Variants in FBXO34 observed in about 807,000 individuals in gnomAD.
The protein encoded by FBXO34 is F-box only protein 34.
A neutral mutation model predicts 24.5 loss-of-function variants in FBXO34; 12 were observed. That is an observed-to-expected ratio of 0.49 (90% confidence interval 0.31 to 0.79). The LOEUF is 0.79. Among genes scored for constraint, FBXO34 ranks in the 30% least tolerant of loss-of-function variants. The probability of loss-of-function intolerance (pLI) is 0.04; values close to 1 mark genes in which losing one functional copy is unlikely to be tolerated. For missense variants in FBXO34, 823 were observed against 857.7 expected (o/e 0.96, Z 0.51); for synonymous variants, 320 against 311.9 (o/e 1.03, Z -0.27).
At chr14:55,415,840 T>C in the FBXO34 span, among the ~76,000 whole-genome samples, 1 of 152,180 alleles carries the variant, frequency 6.6e-6, no homozygotes, top group African/African-American at 2.4e-5. Flanking sequence ...CACTCCAGCC[T>C]GGGCGACACA....
the FBXO34 span, among the ~76,000 whole-genome samples, chr14:55,439,930 CAAAAAAAA>C: frequency 5.1e-5 from 2 of 39,180 alleles, no homozygotes; most frequent in Non-Finnish European, 8.9e-5. Context: ...GACTCTGTCT[CAAAAAAAA>C]AAAAAAAAAA....
chr14:55,272,087 C>T (rs1035572959), intron 1 of FBXO34: 8 of 152,278 alleles, frequency 5.3e-5, no homozygotes, highest in Non-Finnish European at 1.0e-4. Context: ...GCGGTTCGTC[C>T]TCAGTCCACG....
At chr14:55,329,253 G>A (rs942697608) in intron 1 of FBXO34, among the ~76,000 whole-genome samples, 4 of 151,760 alleles carry the variant, frequency 2.6e-5, no homozygotes, top group Admixed American at 6.6e-5. Context: ...TGAATGTGTC[G>A]TAGACTCCTC....
the FBXO34 span, among the ~76,000 whole-genome samples, chr14:55,404,789 C>A: frequency 6.6e-6 from 1 of 152,138 alleles, no homozygotes; most frequent in Non-Finnish European, 1.5e-5. Flanking sequence ...CTGTTATACA[C>A]ACACATGCAG....
At chr14:55,368,949 C>A (rs1275643431), downstream of FBXO34, 1 of 152,550 alleles carries the variant, frequency 6.6e-6, no homozygotes, top group Non-Finnish European at 1.5e-5. Context: ...AGGATTTCTT[C>A]CATTTATGGA....
At chr14:55,415,925 A>G in the FBXO34 span, among the ~76,000 whole-genome samples, 1 of 152,216 alleles carries the variant, frequency 6.6e-6, no homozygotes, top group South Asian at 2.1e-4. Flanking sequence ...ACAGAAATGA[A>G]GTACACATGC....
intron 1 of FBXO34, among the ~76,000 whole-genome samples, chr14:55,338,958 C>A (rs1883894426): frequency 6.6e-6 from 1 of 150,384 alleles, no homozygotes; most frequent in Non-Finnish European, 1.5e-5. Context: ...CCCAAAAAAA[C>A]CAGTTCTCTA....
rs548334130 is a variant in FBXO34, at chr14:55,303,426, G to A, written c.-11+31889G>A. ...TTAGGGCAGAATCCAGGCTTTATAGGACTTAAGATGCTATTTTGCTTTAAA... is the reference window on the plus strand; with the variant it reads ...TTAGGGCAGAATCCAGGCTTTATAGAACTTAAGATGCTATTTTGCTTTAAA... On this transcript the variant is annotated intron_variant, in intron 1 of 1. Transcript: ENST00000313833. 1.3e-5 allele frequency among the ~76,000 whole-genome samples: 2 copies of A among 152,192 alleles called. 1 individual carries two copies. Among genetic ancestry groups the A allele is most frequent in the African/African-American group, 4.8e-5 (2 of 41,514 alleles).
At chr14:55,274,415 G>A (rs1208723232) in intron 1 of FBXO34, among the ~76,000 whole-genome samples, 2 of 152,158 alleles carry the variant, frequency 1.3e-5, no homozygotes, top group African/African-American at 4.8e-5. Flanking sequence ...TTTTTGGCAG[G>A]ATCTTTTTCA....
intron 1 of FBXO34, among the ~76,000 whole-genome samples, chr14:55,301,163 A>G (rs1338620614): frequency 6.6e-6 from 1 of 152,198 alleles, no homozygotes; most frequent in East Asian, 1.9e-4. Flanking sequence ...TTGGCTGGGC[A>G]CGGTGGCTCA....
chr14:55,433,294 AC>A, the FBXO34 span, among the ~76,000 whole-genome samples: 1 of 141,910 alleles, frequency 7.0e-6, no homozygotes, highest in Non-Finnish European at 1.5e-5. Flanking sequence ...ACATCCAGCT[AC>A]TTTTTAGATT....
chr14:55,337,983 C>A (rs1420902018), intron 1 of FBXO34, among the ~76,000 whole-genome samples: 1 of 151,302 alleles, frequency 6.6e-6, no homozygotes, highest in African/African-American at 2.4e-5. Flanking sequence ...GCGAACTTAG[C>A]AAGTTTCTTA....
chr14:55,299,397 C>T (rs973697500), intron 1 of FBXO34, among the ~76,000 whole-genome samples: 3 of 8,032 alleles, frequency 3.7e-4, no homozygotes, highest in Non-Finnish European at 5.3e-4. Context: ...TGGGTGGGGG[C>T]GGGTAGAGGG....
At chr14:55,416,409 T>C in the FBXO34 span, among the ~76,000 whole-genome samples, 1 of 151,490 alleles carries the variant, frequency 6.6e-6, no homozygotes, top group Admixed American at 6.6e-5. Context: ...CCGGGTAACA[T>C]AGGGACACCC....
chr14:55,413,638 G>A, the FBXO34 span: 1 of 413,162 alleles, frequency 2.4e-6, no homozygotes, highest in South Asian at 2.2e-5. Flanking sequence ...GGTGGAGCAG[G>A]CTGGCGCTTC....
Position 55,353,501 on chromosome 14 carries a change from A to G in FBXO34, c.*975A>G, listed in dbSNP as rs941411577. 10 of 167,128 alleles carry G rather than the reference A, an allele frequency of 6.0e-5. No individual in the cohort carries two copies. Among genetic ancestry groups the G allele is most frequent in the African/African-American group, 2.2e-4 (9 of 41,470 alleles). The allele number at this position is 167,128 out of a possible 1,614,324, so 10.4% of individuals were successfully genotyped here. On this transcript the variant is annotated 3_prime_UTR_variant, in exon 2 of 2. Coordinates refer to ENST00000313833, the MANE Select transcript of FBXO34 (RefSeq NM_017943.4). ...ATCCTTTGTTATATTTTAGTGATCC[A>G]CAAGATTGAGAAAATATTATATAGT...
Position 55,351,724 on chromosome 14 carries a change from G to A in FBXO34, c.1334G>A (p.Arg445Gln), listed in dbSNP as rs775419301. The change falls in exon 2 of 2, where the codon CGA becomes CAA. Residue 445 changes from arginine to glutamine, a missense_variant. Arg to Gln is a conservative substitution (Grantham distance 43). Around this residue, in one of 2 missense-constraint regions of FBXO34, gnomAD observed 693 missense variants for 659.1 expected, o/e 1.05. Coordinates refer to ENST00000313833, the MANE Select transcript of FBXO34 (RefSeq NM_017943.4). ...AGAGAGCTTGTGTCCCTTACTAGCC[G>A]AAATCCTGATCAAAGAAAAGAATCT... ...MSRELVSLTS[R>Q]NPDQRKESLC... The A allele has an allele frequency of 2.7e-5, 43 of 1,614,028 alleles. No individual in the cohort carries two copies. The highest frequency in any genetic ancestry group is 5.3e-5 in the African/African-American group (4 of 74,902).
the FBXO34 span, among the ~76,000 whole-genome samples, chr14:55,395,660 T>C: frequency 6.6e-6 from 1 of 152,236 alleles, no homozygotes; most frequent in East Asian, 1.9e-4. Flanking sequence ...GTGTGTATGA[T>C]AAATAATTTT....
intron 1 of FBXO34, among the ~76,000 whole-genome samples, chr14:55,322,799 A>G (rs1883184449): frequency 6.6e-6 from 1 of 152,068 alleles, no homozygotes. Context: ...TACCCAACTA[A>G]GATTATAAAG....
Sources: gnomAD v4.1 joint callset for allele counts (sites outside exome capture counted in the v4.1 genomes callset) on GRCh38, gnomAD v4.1.1 for gene constraint, gnomAD v4.1.1 regional missense constraint, MANE v1.5 for transcripts, NCBI Gene and HGNC (gene_info 2026-07-23, HGNC 2026-07-21) for gene names.